CNTNAP2: variants seen among roughly 807,000 people sequenced by gnomAD.
The protein encoded by CNTNAP2 is contactin associated protein 2.
CNTNAP2 carries 98 observed loss-of-function variants against 155.2 expected under a neutral mutation model. The ratio of observed to expected loss-of-function variants is 0.63; its 90% confidence interval spans 0.54 to 0.75. The LOEUF (loss-of-function observed/expected upper bound fraction) is 0.75. Ranked by LOEUF, CNTNAP2 falls within the 30% of genes least tolerant of loss-of-function variation. The pLI is 0.00. For synonymous variants in CNTNAP2, 651 were observed against 631.2 expected, an observed-to-expected ratio of 1.03 and a Z score of -0.47; for missense variants, 1,727 against 1,688.1, an observed-to-expected ratio of 1.02 and a Z score of -0.40.
intron 3 of CNTNAP2, among the ~76,000 whole-genome samples, chr7:146,882,003 C>T (rs1051355899): frequency 2.0e-5 from 3 of 151,874 alleles, no homozygotes; most frequent in Non-Finnish European, 4.4e-5. Context: ...TCTGTTGTTG[C>T]CATCTTTGTG....
intron 3 of CNTNAP2, among the ~76,000 whole-genome samples, chr7:146,974,576 T>G (rs1797869825): frequency 6.6e-6 from 1 of 152,240 alleles, no homozygotes; most frequent in Non-Finnish European, 1.5e-5. Context: ...ATGTGACGAC[T>G]TGTAGGCAAA....
intron 8 of CNTNAP2, among the ~76,000 whole-genome samples, chr7:147,154,696 A>G (rs952705966): frequency 6.6e-6 from 1 of 152,280 alleles, no homozygotes; most frequent in East Asian, 1.9e-4. Context: ...GTTCTGTTTT[A>G]AACTGCCACC....
At chr7:148,106,710 A>G in intron 15 of CNTNAP2, among the ~76,000 whole-genome samples, 1 of 151,880 alleles carries the variant, frequency 6.6e-6, no homozygotes, top group East Asian at 1.9e-4. Flanking sequence ...TTTGTTTTAC[A>G]ACCTCTACAT....
At chr7:146,351,823 A>G (rs956049790) in intron 1 of CNTNAP2, among the ~76,000 whole-genome samples, 1 of 152,226 alleles carries the variant, frequency 6.6e-6, no homozygotes, top group African/African-American at 2.4e-5. Flanking sequence ...AAATGACATT[A>G]TGACTTCTTT....
intron 22 of CNTNAP2, among the ~76,000 whole-genome samples, chr7:148,388,694 G>C (rs1398481050): frequency 6.6e-6 from 1 of 152,110 alleles, no homozygotes; most frequent in Non-Finnish European, 1.5e-5. Context: ...TGATGGTGAT[G>C]TACAGATGGG....
intron 4 of CNTNAP2, among the ~76,000 whole-genome samples, chr7:147,066,941 G>C (rs1799790185): frequency 6.6e-6 from 1 of 152,168 alleles, no homozygotes; most frequent in Non-Finnish European, 1.5e-5. Flanking sequence ...CAGACTGCTA[G>C]TTCCTTGTTG....
chr7:147,176,724 TATATATAATAGAATTATAATTATA>T (rs1802348928), intron 8 of CNTNAP2, among the ~76,000 whole-genome samples: 1 of 90,198 alleles, frequency 1.1e-5, no homozygotes, highest in Non-Finnish European at 2.4e-5. Flanking sequence ...AATTATATAT[TATATATAATAGAATTATAATTATA>T]ATATATAATT....
intron 9 of CNTNAP2, among the ~76,000 whole-genome samples, chr7:147,361,712 CT>C (rs1008131641): frequency 6.6e-6 from 1 of 151,966 alleles, no homozygotes; most frequent in African/African-American, 2.4e-5. Context: ...AGAATTTTGT[CT>C]GTTTTTTTTA....
chr7:147,142,500 A>C (rs141229400), intron 8 of CNTNAP2, among the ~76,000 whole-genome samples: 2,686 of 152,218 alleles, frequency 0.018, 63 homozygotes, highest in African/African-American at 0.06. Flanking sequence ...GGATTTTTGC[A>C]TCAAAGTTCA....
chr7:147,257,351 C>G (rs1226327041), intron 8 of CNTNAP2, among the ~76,000 whole-genome samples: 2 of 152,186 alleles, frequency 1.3e-5, no homozygotes, highest in Non-Finnish European at 2.9e-5. Flanking sequence ...TCGAGTAATT[C>G]CTTTCAAAGG....
At chr7:146,658,073 G>A (rs1048479960) in intron 1 of CNTNAP2, among the ~76,000 whole-genome samples, 2 of 151,946 alleles carry the variant, frequency 1.3e-5, no homozygotes, top group African/African-American at 2.4e-5. Flanking sequence ...TGAAACTATC[G>A]AGAGTTGGGA....
intron 9 of CNTNAP2, among the ~76,000 whole-genome samples, chr7:147,368,156 A>G (rs1231992390): frequency 6.7e-6 from 1 of 150,184 alleles, no homozygotes; most frequent in African/African-American, 2.5e-5. Flanking sequence ...AGTGAGAAGT[A>G]TCATGCCAGA....
At chr7:147,101,202 G>GTA (rs1211896676) in intron 4 of CNTNAP2, among the ~76,000 whole-genome samples, 2 of 152,180 alleles carry the variant, frequency 1.3e-5, no homozygotes, top group East Asian at 3.9e-4. Flanking sequence ...ATTGAGGGTG[G>GTA]TATAGGCCAC....
At chr7:147,261,975 G>A (rs1339098262) in intron 8 of CNTNAP2, among the ~76,000 whole-genome samples, 1 of 152,180 alleles carries the variant, frequency 6.6e-6, no homozygotes, top group African/African-American at 2.4e-5. Flanking sequence ...TTATAACCAT[G>A]TATAATGATA....
intron 1 of CNTNAP2, among the ~76,000 whole-genome samples, chr7:146,628,422 A>T (rs1350161430): frequency 6.6e-6 from 1 of 152,136 alleles, no homozygotes; most frequent in Non-Finnish European, 1.5e-5. Context: ...TGTTTAAGAG[A>T]TCTATTATAC....
chr7:146,912,942 T>C (rs1796316659), intron 3 of CNTNAP2, among the ~76,000 whole-genome samples: 1 of 152,204 alleles, frequency 6.6e-6, no homozygotes, highest in African/African-American at 2.4e-5. Flanking sequence ...AGTAAACATT[T>C]CATTTGCTCC....
intron 3 of CNTNAP2, among the ~76,000 whole-genome samples, chr7:146,860,525 C>A (rs191128208): frequency 8.0e-4 from 122 of 152,046 alleles, no homozygotes; most frequent in African/African-American, 2.8e-3. Flanking sequence ...ACAGCCCCTG[C>A]AGTTCAATAA....
At chr7:146,554,807 G>T (rs943532246) in intron 1 of CNTNAP2, among the ~76,000 whole-genome samples, 1 of 152,204 alleles carries the variant, frequency 6.6e-6, no homozygotes, top group African/African-American at 2.4e-5. Flanking sequence ...GTAAGGCAGC[G>T]TAAGAGCCAG....
chr7:146,375,516 A>G (rs938731764), intron 1 of CNTNAP2, among the ~76,000 whole-genome samples: 6 of 152,238 alleles, frequency 3.9e-5, no homozygotes, highest in African/African-American at 1.4e-4. Flanking sequence ...TCCTAGCCTT[A>G]TGGTCCTATG....
Sources: allele counts gnomAD v4.1 joint callset (sites outside exome capture counted in the v4.1 genomes callset), GRCh38; gene constraint gnomAD v4.1.1; transcripts MANE v1.5; gene names NCBI Gene and HGNC (gene_info 2026-07-23, HGNC 2026-07-21).